DYNLT2: variants seen among roughly 807,000 people sequenced by gnomAD.
DYNLT2 encodes the protein dynein light chain Tctex-type 2, also known as dynein light chain Tctex-type protein 2.
Under a neutral mutation model 24.3 loss-of-function variants are expected in DYNLT2, and 24 were observed. That is an observed-to-expected ratio of 0.99 (90% CI 0.71 to 1.39). The LOEUF (loss-of-function observed/expected upper bound fraction) is 1.39. DYNLT2 is among the 40% of genes most tolerant of loss of function. DYNLT2 has a pLI of 0.00. For missense variants in DYNLT2, 246 were observed against 234.5 expected (o/e 1.05, Z -0.32); for synonymous variants, 85 against 85.4 (o/e 1.00, Z 0.03).
the DYNLT2 span, among the ~76,000 whole-genome samples, chr6:169,729,681 G>A: frequency 2.0e-5 from 3 of 152,166 alleles, no homozygotes. Context: ...ACTTTGGGAG[G>A]TGATTAGATT....
chr6:169,751,413 G>C lies in DYNLT2; in HGVS notation c.46C>G (p.Pro16Ala), dbSNP rs1384615704. Residue 16 changes from proline (P) to alanine (A), a missense_variant, in exon 1 of 4, where the codon CCG becomes GCG. Coordinates refer to ENST00000366774, the MANE Select transcript of DYNLT2 (RefSeq NM_174910.3). ...RGVKSSPIQT[P>A]NQTPQQAPVT... ...GGAGCCTGCTGAGGGGTCTGGTTCG[G>C]GGTCTGGATGGGGCTCGACTTCACG... 1 of 1,614,046 alleles carries C rather than the reference G, an allele frequency of 6.2e-7. No individual in the cohort carries two copies. Among genetic ancestry groups the C allele is most frequent in the Non-Finnish European group, 8.5e-7 (1 of 1,180,036 alleles).
downstream of DYNLT2, among the ~76,000 whole-genome samples, chr6:169,738,192 G>C (rs1395402604): frequency 6.6e-6 from 1 of 152,206 alleles, no homozygotes; most frequent in Non-Finnish European, 1.5e-5. Context: ...CTATAGAAAT[G>C]GGTGCTGCCC....
At chr6:169,726,261 G>A in the DYNLT2 span, among the ~76,000 whole-genome samples, 5 of 151,944 alleles carry the variant, frequency 3.3e-5, no homozygotes, top group Non-Finnish European at 7.4e-5. Context: ...AATATGGTAC[G>A]AATATATAAT....
chr6:169,730,062 T>A, the DYNLT2 span, among the ~76,000 whole-genome samples: 1 of 152,252 alleles, frequency 6.6e-6, no homozygotes, highest in East Asian at 1.9e-4. Context: ...AAAGTTAATA[T>A]GCAATCATAA....
At chr6:169,731,230 T>C in the DYNLT2 span, among the ~76,000 whole-genome samples, 2 of 152,286 alleles carry the variant, frequency 1.3e-5, no homozygotes, top group Middle Eastern at 3.4e-3. Context: ...GGATCTGAGA[T>C]CTTTATAATG....
intron 1 of DYNLT2, chr6:169,750,789 C>A (rs1310328895): frequency 6.6e-6 from 1 of 152,248 alleles, no homozygotes; most frequent in Non-Finnish European, 1.5e-5. Context: ...AATAATGACC[C>A]TTTCCATCAA....
intron 1 of DYNLT2, among the ~76,000 whole-genome samples, chr6:169,744,624 A>T (rs1789753836): frequency 6.6e-6 from 1 of 152,204 alleles, no homozygotes; most frequent in Non-Finnish European, 1.5e-5. Context: ...ATGGAGATAT[A>T]GGGAAAACCT....
At chr6:169,736,126 T>C (rs1402931179), downstream of DYNLT2, among the ~76,000 whole-genome samples, 3 of 142,402 alleles carry the variant, frequency 2.1e-5, no homozygotes, top group Non-Finnish European at 3.0e-5. Flanking sequence ...GTTGTTGTTG[T>C]TTCGTTTTTT....
chr6:169,736,197 G>A (rs1157398714), downstream of DYNLT2, among the ~76,000 whole-genome samples: 2 of 144,820 alleles, frequency 1.4e-5, no homozygotes, highest in East Asian at 2.1e-4. Context: ...CCTTTATTTT[G>A]AGCCTGTGTG....
At chr6:169,726,180 G>A in the DYNLT2 span, among the ~76,000 whole-genome samples, 9 of 152,144 alleles carry the variant, frequency 5.9e-5, no homozygotes, top group Non-Finnish European at 1.3e-4. Flanking sequence ...CAATGTGCAA[G>A]GCAAAGAAGA....
Position 169,740,263 on chromosome 6 carries a change from C to T in DYNLT2, c.519G>A (p.Trp173Ter), listed in dbSNP as rs1326993182. Residue 173 changes from tryptophan (W) to a stop codon, truncating the protein, a stop_gained, in exon 4 of 4, where the codon TGG becomes TGA. Coordinates refer to ENST00000366774, the MANE Select transcript of DYNLT2 (RefSeq NM_174910.3). LOFTEE classifies it high-confidence loss of function. ...IASRWIWDIA[W>*]DSWVAAKHEA... ...CGTGTTTAGCTGCGACCCAGCTGTC[C>T]CATGCAATGTCCCAGATCCATCTGC... The T allele has an allele frequency of 2.5e-6, 4 of 1,613,820 alleles. No homozygotes were observed. The highest frequency in any genetic ancestry group is 3.4e-6 in the Non-Finnish European group (4 of 1,179,930).
At chr6:169,738,109 G>T (rs1789598941), downstream of DYNLT2, among the ~76,000 whole-genome samples, 1 of 152,342 alleles carries the variant, frequency 6.6e-6, no homozygotes, top group African/African-American at 2.4e-5. Context: ...GGTGTGTTGG[G>T]CTGTGGGGAC....
the DYNLT2 span, among the ~76,000 whole-genome samples, chr6:169,732,605 G>A: frequency 3.3e-5 from 5 of 152,270 alleles, no homozygotes; most frequent in African/African-American, 1.2e-4. Flanking sequence ...CCCTGCAAAG[G>A]ACATGATCTC....
At chr6:169,743,512 A>G (rs1789726126) in intron 2 of DYNLT2, among the ~76,000 whole-genome samples, 1 of 152,222 alleles carries the variant, frequency 6.6e-6, no homozygotes. Context: ...CAAACAGTTA[A>G]TAGACACAAG....
the DYNLT2 span, among the ~76,000 whole-genome samples, chr6:169,729,345 C>A: frequency 7.8e-4 from 118 of 152,256 alleles, 3 homozygotes; most frequent in Admixed American, 7.1e-3. Context: ...TTGTCATTTT[C>A]AAATTCCCTA....
the DYNLT2 span, among the ~76,000 whole-genome samples, chr6:169,732,983 G>A: frequency 6.6e-6 from 1 of 152,140 alleles, no homozygotes; most frequent in South Asian, 2.1e-4. Context: ...CATTCTGACT[G>A]GTGTGAGATG....
Position 169,744,137 on chromosome 6 carries a change from T to C in DYNLT2, c.258A>G (p.Ser86=). The change falls in exon 2 of 4, where the codon TCA becomes TCG. Residue 86 remains serine (S), a synonymous_variant. Coordinates refer to ENST00000366774, the MANE Select transcript of DYNLT2 (RefSeq NM_174910.3). ...SALAKLKFAN[S]YRMEPLKKFQ... is the part of the protein sequence containing the mutation. ...ATTTCTTCAATGGCTCCATTCTATA[T>C]GAATTAGCAAACTTTAATTTTGCCA... is the stretch of plus-strand genomic sequence containing the variant. The C allele has an allele frequency of 1.2e-6, 2 of 1,613,384 alleles. No homozygotes were observed. The highest frequency in any genetic ancestry group is 2.7e-5 in the African/African-American group (2 of 75,056).
chr6:169,744,411 C>A (rs1383245285), intron 1 of DYNLT2, 137 bp from the exon 2 acceptor site: 2 of 732,694 alleles, frequency 2.7e-6, no homozygotes, highest in East Asian at 2.7e-5. Flanking sequence ...AAACAGATTT[C>A]TACAATAATG....
intron 2 of DYNLT2, 134 bp from the exon 3 acceptor site, chr6:169,743,372 TTAAA>T (rs1789724435): frequency 2.6e-6 from 1 of 387,816 alleles, no homozygotes; most frequent in Admixed American, 4.7e-5. Context: ...CTAAATAATA[TTAAA>T]TAAATTTTAT....
Sources: allele counts gnomAD v4.1 joint callset (sites outside exome capture counted in the v4.1 genomes callset), GRCh38; gene constraint gnomAD v4.1.1; transcripts MANE v1.5; gene names NCBI Gene and HGNC (gene_info 2026-07-23, HGNC 2026-07-21).